Variants in ZNF664 observed in about 807,000 individuals in gnomAD.
ZNF664 encodes zinc finger Organ of Corti 1.
ZNF664 carries 10 observed loss-of-function variants against 18.2 expected under a neutral mutation model. That is an observed-to-expected ratio of 0.55 (90% confidence interval 0.34 to 0.93). The LOEUF (loss-of-function observed/expected upper bound fraction) is 0.93, where lower values mean the gene tolerates loss of function less well. Ranked by LOEUF, ZNF664 falls within the 40% of genes least tolerant of loss-of-function variation. The pLI, the probability that ZNF664 is intolerant of heterozygous loss-of-function variation, is 0.02. For missense variants in ZNF664, 193 were observed against 319.0 expected (o/e 0.61, Z 3.01); for synonymous variants, 119 against 104.2 (o/e 1.14, Z -0.86).
At position 124,012,387 on chromosome 12, in the gene ZNF664, C is replaced by T; in HGVS notation, c.243C>T (p.His81=). Residue 81 remains histidine, a synonymous_variant, in exon 5 of 5, where the codon CAC becomes CAT. Coordinates refer to ENST00000337815, the MANE Select transcript of ZNF664 (RefSeq NM_152437.3). ...TTKLNRHKKI[H]TVEKPYKCYE... ...AACTTAATAGACATAAGAAAATCCA[C>T]ACAGTGGAGAAGCCCTATAAATGTT... is the stretch of plus-strand genomic sequence containing the variant. 1 of 1,614,200 alleles carries T rather than the reference C, an allele frequency of 6.2e-7. No individual in the cohort carries two copies. The highest frequency in any genetic ancestry group is 8.5e-7 in the Non-Finnish European group (1 of 1,180,040).
intron 3 of ZNF664, among the ~76,000 whole-genome samples, chr12:123,994,882 C>T (rs917963832): frequency 2.0e-5 from 3 of 152,062 alleles, no homozygotes; most frequent in South Asian, 2.1e-4. Flanking sequence ...CATTAATTAG[C>T]GGGAATTGTA....
At chr12:123,978,147 T>G (rs528179342) in intron 2 of ZNF664, among the ~76,000 whole-genome samples, 8 of 152,108 alleles carry the variant, frequency 5.3e-5, no homozygotes, top group South Asian at 2.1e-4. Context: ...ACATAAAAAT[T>G]TATTCTTTAG....
intron 2 of ZNF664, chr12:123,974,632 C>T (rs1489040070): frequency 6.6e-6 from 1 of 152,212 alleles, no homozygotes; most frequent in Admixed American, 6.5e-5. Flanking sequence ...CAACCTCTGT[C>T]TTCAGGGATG....
chr12:123,973,233 G>T lies in ZNF664; in HGVS notation c.-1011G>T, dbSNP rs1594531123. On this transcript the variant is annotated 5_prime_UTR_variant, in exon 1 of 5. Transcript: ENST00000337815. ...CGCACGCGCGCTGTCCCCCGGAGGC[G>T]TCTGGGTGTGCGGAGCGCGCGCGCG... 1.0e-6 allele frequency: 1 copy of T among 989,540 alleles called. No homozygotes were observed. The highest frequency in any genetic ancestry group is 1.2e-6 in the Non-Finnish European group (1 of 834,548). The allele number at this position is 989,540 out of a possible 1,614,324, so 61.3% of individuals were successfully genotyped here.
chr12:124,011,003 G>A (rs577649103), intron 3 of ZNF664, among the ~76,000 whole-genome samples: 26 of 152,338 alleles, frequency 1.7e-4, no homozygotes, highest in Admixed American at 1.3e-4. Context: ...CAGGTCAGGT[G>A]TTTGAGTTAA....
At chr12:124,001,303 T>C (rs1268548720) in intron 3 of ZNF664, among the ~76,000 whole-genome samples, 1 of 152,348 alleles carries the variant, frequency 6.6e-6, no homozygotes, top group African/African-American at 2.4e-5. Flanking sequence ...TCCTTTAATT[T>C]CTGTACTTTA....
chr12:123,973,716 T>G, intron 1 of ZNF664, 170 bp from the exon 2 acceptor site: 24 of 1,101,606 alleles, frequency 2.2e-5, no homozygotes, highest in Non-Finnish European at 2.4e-5. Flanking sequence ...GGCTCCATTG[T>G]TGTTGGAGCC....
rs767157549 is a variant in ZNF664 at position 124,011,940 on chromosome 12, G to A, written c.-205G>A. ...TCACTTTATAATCGATAATAATACT[G>A]AGTGAGGAACACTATGCAGGAAGAA... On this transcript the variant is annotated 5_prime_UTR_variant, in exon 5 of 5. Coordinates refer to ENST00000337815, the MANE Select transcript of ZNF664 (RefSeq NM_152437.3). The A allele has an allele frequency of 1.4e-6, 2 of 1,397,698 alleles. No homozygotes were observed. The highest frequency in any genetic ancestry group is 1.8e-6 in the Non-Finnish European group (2 of 1,083,828). 86.6% of individuals were successfully genotyped at this position (1,397,698 alleles called of 1,614,324 possible).
At chr12:123,983,207 C>T (rs1363809593) in intron 2 of ZNF664, among the ~76,000 whole-genome samples, 2 of 152,132 alleles carry the variant, frequency 1.3e-5, no homozygotes, top group Non-Finnish European at 2.9e-5. Context: ...GGGAGAGTCA[C>T]AAGGTGGAAC....
At chr12:123,993,777 T>C (rs942819566) in intron 3 of ZNF664, among the ~76,000 whole-genome samples, 3 of 152,200 alleles carry the variant, frequency 2.0e-5, no homozygotes, top group East Asian at 1.9e-4. Context: ...GGAGTTGTTT[T>C]ATCTGCTGAG....
At chr12:124,008,168 A>AG (rs1384650780) in intron 3 of ZNF664, among the ~76,000 whole-genome samples, 7 of 151,940 alleles carry the variant, frequency 4.6e-5, no homozygotes, top group African/African-American at 1.7e-4. Context: ...GCAAAAAAAA[A>AG]GGGGCAGTTG....
intron 3 of ZNF664, among the ~76,000 whole-genome samples, chr12:124,005,409 A>T (rs1357092732): frequency 6.6e-6 from 1 of 152,042 alleles, no homozygotes; most frequent in Non-Finnish European, 1.5e-5. Flanking sequence ...CAATGTAAAT[A>T]TATAATACAG....
Position 124,014,509 on chromosome 12 carries a change from A to C in ZNF664, c.*1579A>C, listed in dbSNP as rs1957170055. 1 of 167,114 alleles carries C rather than the reference A, an allele frequency of 6.0e-6. No individual in the cohort carries two copies. The highest frequency in any genetic ancestry group is 2.4e-5 in the African/African-American group (1 of 41,458). The allele number at this position is 167,114 out of a possible 1,614,324, so 10.4% of individuals were successfully genotyped here. A position where few individuals can be genotyped will look rare whatever the true frequency, so the allele number is the denominator to read the frequency against. The stretch of plus-strand genomic sequence containing the variant: ...CCCAATGACAGGAACAAAAGCAACC[A>C]ATTTTTAACTTTCTCTTCTCATTCC... On this transcript the variant is annotated 3_prime_UTR_variant, in exon 5 of 5. Coordinates refer to ENST00000337815, the MANE Select transcript of ZNF664 (RefSeq NM_152437.3).
chr12:123,975,857 T>C (rs1365386119), intron 2 of ZNF664, among the ~76,000 whole-genome samples: 1 of 152,230 alleles, frequency 6.6e-6, no homozygotes, highest in Non-Finnish European at 1.5e-5. Flanking sequence ...TGTACATGTA[T>C]TTTTCTGTGG....
chr12:123,985,022 G>A (rs1169492641), intron 2 of ZNF664, among the ~76,000 whole-genome samples: 1 of 152,056 alleles, frequency 6.6e-6, no homozygotes, highest in Non-Finnish European at 1.5e-5. Flanking sequence ...CAGGAGGAAC[G>A]GCCCCAAGAT....
chr12:124,012,821 C>T lies in ZNF664; in HGVS notation c.677C>T (p.Pro226Leu). The T allele has an allele frequency of 1.9e-6, 3 of 1,614,092 alleles. No individual in the cohort carries two copies. Among genetic ancestry groups the T allele is most frequent in the Non-Finnish European group, 2.5e-6 (3 of 1,180,010 alleles). The change falls in exon 5 of 5, where the codon CCT becomes CTT. Residue 226 changes from proline to leucine, a missense_variant. This residue lies in a region of ZNF664 where 42 missense variants were observed against 46.4 expected (regional missense o/e 0.91). Transcript: ENST00000337815. ...IHQRVHTGEKPFKCDECGKAF... is the reference protein window; with the variant it reads ...IHQRVHTGEKLFKCDECGKAF... ...CAGAGAGTCCACACAGGAGAGAAAC[C>T]TTTCAAATGTGATGAGTGCGGAAAG...
chr12:123,990,327 A>C (rs1337184107), intron 3 of ZNF664, among the ~76,000 whole-genome samples: 1 of 152,234 alleles, frequency 6.6e-6, no homozygotes, highest in East Asian at 1.9e-4. Context: ...TGTCAGAATC[A>C]CAAATCCATA....
Position 124,014,779 on chromosome 12 carries a change from A to C in ZNF664, c.*1849A>C, listed in dbSNP as rs958120345. ...TTGTATAACTAAAACCTCAGCGCAT[A>C]AAGGAGATTTAAAAGGAGCACATGA... is the stretch of plus-strand genomic sequence containing the variant. On this transcript the variant is annotated 3_prime_UTR_variant, in exon 5 of 5. Transcript: ENST00000337815. 3.6e-5 allele frequency: 6 copies of C among 166,478 alleles called. No homozygotes were observed. The highest frequency in any genetic ancestry group is 1.5e-5 in the Non-Finnish European group (1 of 68,122). 10.3% of individuals were successfully genotyped at this position (166,478 alleles called of 1,614,324 possible). A position where few individuals can be genotyped will look rare whatever the true frequency, so the allele number is the denominator to read the frequency against.
At position 123,973,261 on chromosome 12, in the gene ZNF664, C is replaced by A; in HGVS notation, c.-983C>A. On this transcript the variant is annotated 5_prime_UTR_variant, in exon 1 of 5. Transcript: ENST00000337815. ...TGGGTGTGCGGAGCGCGCGCGCGCG[C>A]GGCTCGGAGGCGCACCTGTGAGGTG... 2 of 999,680 alleles carry A rather than the reference C, an allele frequency of 2.0e-6. No homozygotes were observed. The highest frequency in any genetic ancestry group is 4.7e-5 in the South Asian group (1 of 21,414). The allele number at this position is 999,680 out of a possible 1,614,324, so 61.9% of individuals were successfully genotyped here.
Sources: gnomAD v4.1 joint callset for allele counts (sites outside exome capture counted in the v4.1 genomes callset) on GRCh38, gnomAD v4.1.1 for gene constraint, gnomAD v4.1.1 regional missense constraint, MANE v1.5 for transcripts, NCBI Gene and HGNC (gene_info 2026-07-23, HGNC 2026-07-21) for gene names.